The following PSMG1 variants were observed in gnomAD, a reference collection of about 807,000 sequenced individuals.
The protein encoded by PSMG1 is proteasome assembly chaperone 1.
Under a neutral mutation model 37.2 loss-of-function variants are expected in PSMG1, and 23 were observed. That is an observed-to-expected ratio of 0.62 (90% CI 0.44 to 0.88). The LOEUF is 0.88. PSMG1 is among the 40% of genes least tolerant of loss of function. The pLI, the probability that PSMG1 is intolerant of heterozygous loss-of-function variation, is 0.00. For missense variants in PSMG1, 340 were observed against 344.2 expected (o/e 0.99, Z 0.10); for synonymous variants, 127 against 128.0 (o/e 0.99, Z 0.05).
chr21:39,179,371 G>A (rs995363526), intron 4 of PSMG1, among the ~76,000 whole-genome samples: 1 of 152,096 alleles, frequency 6.6e-6, no homozygotes, highest in African/African-American at 2.4e-5. Context: ...GCGACTACAG[G>A]TCTGCCGTCC....
At chr21:39,183,007 C>T (rs1247180058) in intron 1 of PSMG1, 2 of 458,446 alleles carry the variant, frequency 4.4e-6, no homozygotes, top group East Asian at 3.7e-5. Context: ...CCTCCCACAG[C>T]GGCTTCACCC....
At chr21:39,178,671 T>TA (rs533441974) in intron 4 of PSMG1, 24 bp from the exon 5 acceptor site, 116 of 1,580,174 alleles carry the variant, frequency 7.3e-5, no homozygotes, top group South Asian at 9.1e-5. Flanking sequence ...TATTTCAAAT[T>TA]AAAAAAAACA....
At position 39,177,440 on chromosome 21, in the gene PSMG1, C is replaced by A; in HGVS notation, c.787G>T (p.Val263Phe). The A allele has an allele frequency of 6.3e-7, 1 of 1,587,946 alleles. No homozygotes were observed. Among genetic ancestry groups the A allele is most frequent in the Non-Finnish European group, 8.5e-7 (1 of 1,171,592 alleles). Residue 263 changes from valine to phenylalanine, a missense_variant, in exon 6 of 7, where the codon GTT (valine) becomes TTT (phenylalanine). Val to Phe is a conservative substitution (Grantham distance 50, BLOSUM62 -1). Transcript: ENST00000331573. ...ILSTRSLKGL[V>F]KNIPQSTEIL... Reference sequence around the variant, plus strand: ...TAAATGAGTTAAAACCTTACCTTAACCAAACCCTTCAAGCTTCTGGTAGAA... The same window carrying A: ...TAAATGAGTTAAAACCTTACCTTAAACAAACCCTTCAAGCTTCTGGTAGAA...
chr21:39,177,314 G>A (rs1163819927), intron 6 of PSMG1, 121 bp downstream of exon 6: 11 of 996,444 alleles, frequency 1.1e-5, no homozygotes, highest in Admixed American at 3.4e-5. Flanking sequence ...AGAAAGCTTC[G>A]CTTTGAGAAG....
At chr21:39,175,762 T>C in intron 6 of PSMG1, 98 bp from the exon 7 acceptor site, 1 of 794,930 alleles carries the variant, frequency 1.3e-6, no homozygotes, top group Non-Finnish European at 2.1e-6. Flanking sequence ...CACTCGAGAC[T>C]TAAAAACAGC....
At chr21:39,180,211 A>G (rs1479100290) in intron 3 of PSMG1, 74 bp downstream of exon 3, 1 of 1,478,844 alleles carries the variant, frequency 6.8e-7, no homozygotes, top group Non-Finnish European at 9.1e-7. Flanking sequence ...TTGCCATACT[A>G]AAGTATACTA....
intron 5 of PSMG1, among the ~76,000 whole-genome samples, 191 bp downstream of exon 5, chr21:39,178,258 T>C (rs532775926): frequency 6.6e-6 from 1 of 152,164 alleles, no homozygotes; most frequent in Non-Finnish European, 1.5e-5. Context: ...GCTCCTCAAA[T>C]AACTGTGTCT....
chr21:39,183,401 G>C lies in PSMG1; in HGVS notation c.-16C>G. ...TGGCCGCCATAGCCGCCCCGTGACC[G>C]GCTGGACACAACTGCAGCGCCGCGG... On this transcript the variant is annotated 5_prime_UTR_variant, in exon 1 of 7. Transcript: ENST00000331573. 6.4e-7 allele frequency: 1 copy of C among 1,573,990 alleles called. No individual in the cohort carries two copies.
chr21:39,176,334 G>C (rs1434085691), intron 6 of PSMG1, among the ~76,000 whole-genome samples: 2 of 152,138 alleles, frequency 1.3e-5, no homozygotes, highest in Non-Finnish European at 2.9e-5. Flanking sequence ...CTCTGAACAA[G>C]TCCAAGCGTT....
Position 39,177,541 on chromosome 21 carries a change from G to C in PSMG1, c.686C>G (p.Pro229Arg). The C allele has an allele frequency of 6.3e-7, 1 of 1,589,436 alleles. No individual in the cohort carries two copies. Among genetic ancestry groups the C allele is most frequent in the Non-Finnish European group, 8.6e-7 (1 of 1,168,776 alleles). Residue 229 changes from proline (P) to arginine (R), a missense_variant, in exon 6 of 7, where the codon CCA (proline) becomes CGA (arginine). Coordinates refer to ENST00000331573, the MANE Select transcript of PSMG1 (RefSeq NM_003720.4). Reference protein sequence around the residue: ...VLSYCQVWKIPAILYLCYTDV... With the variant: ...VLSYCQVWKIRAILYLCYTDV... ...AGTATAACACAAGTACAGAATTGCT[G>C]GGATTTTCCATACTTGACAGTAGCT...
intron 2 of PSMG1, among the ~76,000 whole-genome samples, chr21:39,181,505 C>T (rs1425782176): frequency 6.6e-6 from 1 of 151,562 alleles, no homozygotes; most frequent in Non-Finnish European, 1.5e-5. Context: ...CCTGTAATCC[C>T]AGCTCTTTGG....
chr21:39,183,502 C>T, upstream of PSMG1: 2 of 1,275,490 alleles, frequency 1.6e-6, no homozygotes, highest in South Asian at 1.6e-5. Context: ...CAGGCCACGC[C>T]CTCCGCGCAC....
intron 3 of PSMG1, 123 bp from the exon 4 acceptor site, chr21:39,180,109 G>A: frequency 8.1e-7 from 1 of 1,235,448 alleles, no homozygotes. Flanking sequence ...CTCCACTATT[G>A]ACCTACTTAT....
At chr21:39,178,840 C>A in intron 4 of PSMG1, 193 bp from the exon 5 acceptor site, 1 of 585,380 alleles carries the variant, frequency 1.7e-6, no homozygotes, top group Non-Finnish European at 3.0e-6. Flanking sequence ...TCTAGGTGGG[C>A]AATTTTTCCA....
chr21:39,179,695 C>G (rs1382752544), intron 4 of PSMG1, among the ~76,000 whole-genome samples: 1 of 151,298 alleles, frequency 6.6e-6, no homozygotes, highest in African/African-American at 2.4e-5. Flanking sequence ...GTGTTTTATA[C>G]TTCTGTACCT....
chr21:39,178,799 T>C (rs1481514798), intron 4 of PSMG1, 152 bp from the exon 5 acceptor site: 2 of 729,194 alleles, frequency 2.7e-6, no homozygotes, highest in Non-Finnish European at 4.4e-6. Context: ...ACACCTGCTG[T>C]CACAACCTGG....
intron 2 of PSMG1, among the ~76,000 whole-genome samples, 155 bp downstream of exon 2, chr21:39,181,617 T>C (rs1240041492): frequency 1.3e-5 from 2 of 151,800 alleles, no homozygotes; most frequent in Non-Finnish European, 2.9e-5. Flanking sequence ...AAAAAAATGA[T>C]GCAACAGGAA....
rs747781442 is a variant in PSMG1 at position 39,180,291 on chromosome 21, A to T, written c.387T>A (p.Asn129Lys). ...AFCVFYHLKS[N>K]PSVFLCQCSC... ...ACATACAAGTCCCACCTACCGAGGG[A>T]TTGGATTTTAGATGATAAAACACAC... Residue 129 changes from asparagine (N) to lysine (K), a missense_variant, in exon 3 of 7, where the codon AAT becomes AAA. Asn to Lys is a moderately conservative substitution (Grantham distance 94, BLOSUM62 0). Transcript: ENST00000331573. 1 of 1,600,690 alleles carries T rather than the reference A, an allele frequency of 6.2e-7. No homozygotes were observed. Among genetic ancestry groups the T allele is most frequent in the Non-Finnish European group, 8.5e-7 (1 of 1,174,708 alleles).
At position 39,175,637 on chromosome 21, in the gene PSMG1, T is replaced by G; in HGVS notation, c.820A>C (p.Lys274Gln). The part of the protein sequence containing the change: ...KNIPQSTEIL[K>Q]KLMTTNEIQS... ...ATCTCATTTGTTGTCATCAATTTCT[T>G]TAGTATCTCAGTGCTTTGGGGAATA... The change falls in exon 7 of 7, where the codon AAG (lysine) becomes CAG (glutamine). Residue 274 changes from lysine to glutamine, a missense_variant. By Grantham distance (53) the Lys-to-Gln change is moderately conservative (BLOSUM62 1). Coordinates refer to ENST00000331573, the MANE Select transcript of PSMG1 (RefSeq NM_003720.4). The G allele has an allele frequency of 6.3e-7, 1 of 1,590,204 alleles. No individual in the cohort carries two copies. The highest frequency in any genetic ancestry group is 8.6e-7 in the Non-Finnish European group (1 of 1,158,510).
Sources: gnomAD v4.1 joint callset for allele counts (sites outside exome capture counted in the v4.1 genomes callset) on GRCh38, gnomAD v4.1.1 for gene constraint, MANE v1.5 for transcripts, NCBI Gene and HGNC (gene_info 2026-07-23, HGNC 2026-07-21) for gene names.